DIP2C: variants seen among roughly 807,000 people sequenced by gnomAD.
DIP2C encodes the protein disco-interacting protein 2 homolog C.
A neutral mutation model predicts 192.4 loss-of-function variants in DIP2C; 33 were observed. The observed-to-expected ratio is 0.17, with a 90% CI of 0.13 to 0.23. The LOEUF (loss-of-function observed/expected upper bound fraction) is 0.23. Ranked by LOEUF, DIP2C falls within the 10% of genes least tolerant of loss-of-function variation. The pLI is 1.00. For missense variants in DIP2C, 1,537 were observed against 2,110.1 expected (o/e 0.73, Z 5.32); for synonymous variants, 979 against 864.1 (o/e 1.13, Z -2.33).
chr10:430,864 G>C (rs1230023595), intron 4 of DIP2C, among the ~76,000 whole-genome samples: 4 of 152,180 alleles, frequency 2.6e-5, no homozygotes, highest in African/African-American at 7.2e-5. Flanking sequence ...GAGGACAGTG[G>C]CTCTGTGATC....
intron 13 of DIP2C, among the ~76,000 whole-genome samples, chr10:389,785 A>C (rs190326074): frequency 6.5e-4 from 99 of 152,348 alleles, no homozygotes; most frequent in Non-Finnish European, 1.2e-3. Flanking sequence ...GTGCGGACAT[A>C]AATGTCTGCT....
At chr10:384,271 C>CGTT in intron 15 of DIP2C, 125 bp from the exon 16 acceptor site, 1 of 300,578 alleles carries the variant, frequency 3.3e-6, no homozygotes. Context: ...CCCCACAAAC[C>CGTT]TTTTTTTTTT....
chr10:393,475 C>T (rs1311636031), intron 10 of DIP2C, among the ~76,000 whole-genome samples: 3 of 152,100 alleles, frequency 2.0e-5, no homozygotes, highest in Non-Finnish European at 4.4e-5. Flanking sequence ...ATCAGGGAAA[C>T]GCAAATTAAA....
intron 1 of DIP2C, among the ~76,000 whole-genome samples, chr10:584,022 C>CTT (rs1216199227): frequency 1.3e-5 from 2 of 152,176 alleles, no homozygotes; most frequent in Admixed American, 1.3e-4. Flanking sequence ...TCACTGACCT[C>CTT]TGTCCCTTGG....
chr10:520,014 G>GT (rs1320766310), intron 1 of DIP2C, among the ~76,000 whole-genome samples: 1 of 152,226 alleles, frequency 6.6e-6, no homozygotes, highest in East Asian at 1.9e-4. Flanking sequence ...AACAGCGATG[G>GT]TTCTCCCCAG....
intron 2 of DIP2C, among the ~76,000 whole-genome samples, chr10:483,510 T>TG (rs1554876834): frequency 6.6e-6 from 1 of 152,124 alleles, no homozygotes; most frequent in East Asian, 1.9e-4. Context: ...CTGTCCGGAG[T>TG]CCCCCCATCC....
At position 678,692 on chromosome 10, in the gene DIP2C, A is replaced by G. The variant is rs1399986999; in HGVS notation, c.85+10802T>C. ...CCAGCTCCCCACGCCCATGCTCCCC[A>G]CACCCGTTCTCCCCACGCCCATGCT... On this transcript the variant is annotated intron_variant, in intron 1 of 36. Coordinates refer to ENST00000280886, the MANE Select transcript of DIP2C (RefSeq NM_014974.3). Among the ~76,000 whole-genome samples, 30 of 5,620 alleles carry G rather than the reference A, an allele frequency of 5.3e-3. 1 individual carries two copies. Among genetic ancestry groups the G allele is most frequent in the African/African-American group, 6.8e-3 (27 of 3,960 alleles). 3.7% of individuals were successfully genotyped at this position (5,620 alleles called of 152,430 possible).
chr10:657,322 CCCCTGGACCTGT>C (rs1856422763), intron 1 of DIP2C, among the ~76,000 whole-genome samples: 1 of 24,188 alleles, frequency 4.1e-5, no homozygotes, highest in African/African-American at 1.2e-4. Flanking sequence ...CCTGGACCTG[CCCCTGGACCTGT>C]CCCTGGACCT....
At chr10:337,130 C>CTGTGTGTGTG (rs138944577) in intron 29 of DIP2C, among the ~76,000 whole-genome samples, 3 of 83,058 alleles carry the variant, frequency 3.6e-5, no homozygotes, top group Admixed American at 1.4e-4. Context: ...GCCTAGGCAG[C>CTGTGTGTGTG]TGTGTGTGTG....
At chr10:422,050 G>GT (rs1966223238) in intron 5 of DIP2C, among the ~76,000 whole-genome samples, 1 of 152,142 alleles carries the variant, frequency 6.6e-6, no homozygotes, top group African/African-American at 2.4e-5. Context: ...ATTTTTTCAG[G>GT]GATCAGGTTT....
At chr10:567,337 G>A (rs2131501709) in intron 1 of DIP2C, among the ~76,000 whole-genome samples, 1 of 152,166 alleles carries the variant, frequency 6.6e-6, no homozygotes, top group East Asian at 1.9e-4. Flanking sequence ...TACAACAGGT[G>A]CATGCCACCA....
chr10:309,725 A>C (rs955871909), intron 32 of DIP2C, among the ~76,000 whole-genome samples: 2 of 151,986 alleles, frequency 1.3e-5, no homozygotes, highest in Admixed American at 1.3e-4. Flanking sequence ...AACCTGGGTA[A>C]TTTTTAGTGG....
At chr10:580,462 CAT>C (rs552000194) in intron 1 of DIP2C, among the ~76,000 whole-genome samples, 30 of 152,252 alleles carry the variant, frequency 2.0e-4, no homozygotes, top group African/African-American at 4.3e-4. Context: ...TGTATGTACA[CAT>C]ATGCAGTACA....
At chr10:280,381 G>A (rs922367728) in intron 36 of DIP2C, among the ~76,000 whole-genome samples, 8 of 152,136 alleles carry the variant, frequency 5.3e-5, no homozygotes, top group Middle Eastern at 3.2e-3. Flanking sequence ...GTTTCACCAG[G>A]TGCCCCTCAG....
chr10:432,830 TAA>T (rs1564705739), intron 4 of DIP2C, among the ~76,000 whole-genome samples: 1 of 152,260 alleles, frequency 6.6e-6, no homozygotes, highest in Non-Finnish European at 1.5e-5. Context: ...TCACAAATTT[TAA>T]AAAGTTTTCA....
chr10:512,960 T>TC lies in DIP2C; in HGVS notation c.86-26431dup, dbSNP rs1467002659. Among the ~76,000 whole-genome samples the TC allele has an allele frequency of 4.6e-5, 7 of 151,308 alleles. No individual in the cohort carries two copies. In the East Asian group the frequency reaches 1.4e-3, roughly 29 times the overall value. On this transcript the variant is annotated intron_variant, in intron 1 of 36. Transcript: ENST00000280886. The stretch of plus-strand genomic sequence containing the variant: ...AAAAAAAAAAGGGAGCTAATGTTTT[T>TC]CATTTAAGGGAAGGGAGAAGAACAT...
chr10:440,860 G>A lies in DIP2C; in HGVS notation c.394+11C>T, dbSNP rs371362122. ...CATTCAGGAGGCCGTGTCGGGGAGC[G>A]TGTCCCTTACCTGGAGGGGTGTAGG... On this transcript the variant is annotated intron_variant, in intron 4 of 36. Coordinates refer to ENST00000280886, the MANE Select transcript of DIP2C (RefSeq NM_014974.3). 363 of 1,609,326 alleles carry A rather than the reference G, an allele frequency of 2.3e-4. 2 individuals are homozygous for A. The highest frequency in any genetic ancestry group is 2.5e-4 in the Non-Finnish European group (297 of 1,178,706).
chr10:309,885 A>AAC (rs1205918264), intron 32 of DIP2C, 146 bp downstream of exon 32: 2 of 774,814 alleles, frequency 2.6e-6, no homozygotes, highest in African/African-American at 3.5e-5. Flanking sequence ...GCCAATGCCT[A>AAC]ACTCCACCAC....
intron 30 of DIP2C, 108 bp downstream of exon 30, chr10:329,325 G>T: frequency 1.6e-6 from 2 of 1,222,160 alleles, no homozygotes; most frequent in Non-Finnish European, 1.1e-6. Context: ...TTAAACCCAG[G>T]CTTTGTTTTG....
Sources: gnomAD v4.1 joint callset for allele counts (sites outside exome capture counted in the v4.1 genomes callset) on GRCh38, gnomAD v4.1.1 for gene constraint, MANE v1.5 for transcripts, NCBI Gene and HGNC (gene_info 2026-07-23, HGNC 2026-07-21) for gene names.